The following CTNNA2 variants were observed in gnomAD, a reference collection of about 807,000 sequenced individuals.
CTNNA2 encodes catenin alpha 2.
In CTNNA2, 42 loss-of-function variants were observed where a neutral mutation model predicts 101.0. That is an observed-to-expected ratio of 0.42 (90% CI 0.32 to 0.54). CTNNA2 has a LOEUF of 0.54. Ranked by LOEUF, CTNNA2 falls within the 20% of genes least tolerant of loss-of-function variation. CTNNA2 has a pLI of 0.14. For synonymous variants in CTNNA2, 450 were observed against 456.4 expected (o/e 0.99, Z 0.18); for missense variants, 871 against 1,223.1 (o/e 0.71, Z 4.29).
At chr2:80,362,026 C>G (rs1391914885) in intron 7 of CTNNA2, among the ~76,000 whole-genome samples, 1 of 152,166 alleles carries the variant, frequency 6.6e-6, no homozygotes, top group African/African-American at 2.4e-5. Flanking sequence ...CCTGAATTCA[C>G]TTGGTAATTA....
chr2:79,228,412 C>T (rs943004656), intron 2 of CTNNA2, among the ~76,000 whole-genome samples: 12 of 152,266 alleles, frequency 7.9e-5, no homozygotes, highest in African/African-American at 2.4e-4. Flanking sequence ...CTTGCCAACA[C>T]GTGTTGTTTT....
intron 1 of CTNNA2, among the ~76,000 whole-genome samples, chr2:79,604,930 A>T (rs1677786490): frequency 6.6e-6 from 1 of 152,198 alleles, no homozygotes; most frequent in South Asian, 2.1e-4. Flanking sequence ...AGAAATACCA[A>T]AATAACCAGA....
At chr2:79,254,397 C>T (rs889472320) in intron 2 of CTNNA2, among the ~76,000 whole-genome samples, 2 of 152,038 alleles carry the variant, frequency 1.3e-5, no homozygotes, top group African/African-American at 4.8e-5. Context: ...CCATCCTTTC[C>T]TGGTACTGTG....
chr2:79,633,944 G>T (rs1679855215), intron 1 of CTNNA2: 1 of 152,168 alleles, frequency 6.6e-6, no homozygotes, highest in African/African-American at 2.4e-5. Context: ...ATCATAAATA[G>T]TTAGTATAGA....
intron 7 of CTNNA2, among the ~76,000 whole-genome samples, chr2:80,113,988 A>T (rs1256568133): frequency 6.6e-6 from 1 of 151,974 alleles, no homozygotes; most frequent in Non-Finnish European, 1.5e-5. Context: ...TTCAGGGCAA[A>T]CTCTTCCAGT....
At chr2:79,891,373 A>T (rs1684293316) in intron 6 of CTNNA2, among the ~76,000 whole-genome samples, 1 of 152,214 alleles carries the variant, frequency 6.6e-6, no homozygotes, top group African/African-American at 2.4e-5. Flanking sequence ...ATTTGAATAT[A>T]TATTTCAAAG....
intron 8 of CTNNA2, among the ~76,000 whole-genome samples, chr2:80,411,550 T>A (rs1357548790): frequency 1.3e-5 from 2 of 152,212 alleles, no homozygotes; most frequent in Non-Finnish European, 2.9e-5. Flanking sequence ...TATACTTTAC[T>A]CGTTCAGGAA....
intron 7 of CTNNA2, among the ~76,000 whole-genome samples, chr2:80,358,898 G>A (rs1440240492): frequency 6.6e-6 from 1 of 151,316 alleles, no homozygotes; most frequent in African/African-American, 2.4e-5. Flanking sequence ...AACATGAAGA[G>A]GTTCTTTATA....
At chr2:79,838,755 A>G (rs1679575769) in intron 3 of CTNNA2, among the ~76,000 whole-genome samples, 1 of 152,120 alleles carries the variant, frequency 6.6e-6, no homozygotes. Context: ...AGGACTGTGT[A>G]GTTATTGAAA....
rs141141232 is a variant in CTNNA2, at chr2:80,637,551, G to A, written c.2575-10034G>A. Reference sequence around the variant, plus strand: ...GGAACAAAAGGGGCTGGGGTCCCAAGGAGAGGCAGCAAACATTCACTGGGA... The same window carrying A: ...GGAACAAAAGGGGCTGGGGTCCCAAAGAGAGGCAGCAAACATTCACTGGGA... On this transcript the variant is annotated intron_variant, in intron 18 of 18. Transcript: ENST00000402739. Among the ~76,000 whole-genome samples the A allele has an allele frequency of 6.0e-4, 92 of 152,224 alleles. 1 individual carries two copies. The East Asian group carries it at 0.017, about 28-fold the overall frequency.
In CTNNA2 at chr2:79,441,708, A is replaced by G. The variant is rs540254137; in HGVS notation, c.-134-63346A>G. ...ATGGAGTGGTACTTTTAAAATGTAT[A>G]TGAGATGCCCTTTCCCTCAGTTAAA... is the stretch of plus-strand genomic sequence containing the variant. On this transcript the variant is annotated intron_variant, in intron 4 of 21. Transcript: ENST00000466387. 6.6e-5 allele frequency among the ~76,000 whole-genome samples: 10 copies of G among 152,274 alleles called. No individual in the cohort carries two copies. The South Asian group carries it at 2.1e-3, about 32-fold the overall frequency.
chr2:79,235,674 G>A (rs1232636106), intron 2 of CTNNA2, among the ~76,000 whole-genome samples: 1 of 152,146 alleles, frequency 6.6e-6, no homozygotes. Context: ...GAGAGTAAGG[G>A]CTTGCCACTG....
intron 9 of CTNNA2, among the ~76,000 whole-genome samples, chr2:80,527,582 A>G (rs1473034085): frequency 6.6e-6 from 1 of 152,144 alleles, no homozygotes; most frequent in Non-Finnish European, 1.5e-5. Context: ...CCCATTGCAG[A>G]GCTCTGGAAT....
chr2:79,356,060 G>A lies in CTNNA2; in HGVS notation c.-317-17771G>A, dbSNP rs376622423. On this transcript the variant is annotated intron_variant, in intron 3 of 21. Coordinates refer to the CTNNA2 transcript ENST00000466387. ...TGCAGCATTTTACAGTCCTACCAGC[G>A]TATATATATAAATATAAATATGGAA... Among the ~76,000 whole-genome samples the A allele has an allele frequency of 1.7e-4, 26 of 151,170 alleles. No individual in the cohort carries two copies. The East Asian group carries it at 2.7e-3, about 16-fold the overall frequency.
intron 1 of CTNNA2, among the ~76,000 whole-genome samples, chr2:79,563,270 A>T (rs1314948514): frequency 5.9e-5 from 9 of 151,736 alleles, no homozygotes; most frequent in Admixed American, 5.9e-4. Flanking sequence ...ATAAAAAAGT[A>T]TTTATATAAT....
intron 4 of CTNNA2, among the ~76,000 whole-genome samples, chr2:79,474,791 G>T (rs1258615627): frequency 6.6e-6 from 1 of 152,050 alleles, no homozygotes; most frequent in African/African-American, 2.4e-5. Flanking sequence ...AATTCAATTA[G>T]GTTGCTGATC....
intron 9 of CTNNA2, among the ~76,000 whole-genome samples, chr2:80,446,692 A>T (rs145910330): frequency 3.1e-3 from 470 of 152,322 alleles, no homozygotes; most frequent in Non-Finnish European, 5.8e-3. Context: ...AACCCTTTTC[A>T]ACAGGACGTT....
chr2:79,501,563 C>T (rs1671320148), intron 4 of CTNNA2, among the ~76,000 whole-genome samples: 2 of 152,104 alleles, frequency 1.3e-5, no homozygotes, highest in Admixed American at 1.3e-4. Context: ...TTCTCTAATA[C>T]TGCACTAGAT....
intron 2 of CTNNA2, among the ~76,000 whole-genome samples, chr2:79,689,289 G>A (rs974415831): frequency 6.6e-6 from 1 of 151,898 alleles, no homozygotes; most frequent in Admixed American, 6.6e-5. Context: ...CATACACTCA[G>A]GATCAAGGGA....
Sources: allele counts gnomAD v4.1 joint callset (sites outside exome capture counted in the v4.1 genomes callset), GRCh38; gene constraint gnomAD v4.1.1; transcripts MANE v1.5; gene names NCBI Gene and HGNC (gene_info 2026-07-23, HGNC 2026-07-21).